Variants in HCN1 observed in about 807,000 individuals in gnomAD.
The protein encoded by HCN1 is potassium/sodium hyperpolarization-activated cyclic nucleotide-gated channel 1.
A neutral mutation model predicts 78.9 loss-of-function variants in HCN1; 13 were observed. The observed-to-expected ratio is 0.16, with a 90% CI of 0.11 to 0.26. The LOEUF (loss-of-function observed/expected upper bound fraction) is 0.26, where lower values mean the gene tolerates loss of function less well. HCN1 is among the 10% of genes least tolerant of loss of function. HCN1 has a pLI of 1.00. For synonymous variants in HCN1, 552 were observed against 455.5 expected (o/e 1.21, Z -2.70); for missense variants, 810 against 1,154.3 (o/e 0.70, Z 4.32).
chr5:45,376,518 A>G (rs1747681249), intron 4 of HCN1, among the ~76,000 whole-genome samples: 1 of 150,718 alleles, frequency 6.6e-6, no homozygotes, highest in African/African-American at 2.4e-5. Flanking sequence ...GCAAGATATA[A>G]ATGTTGCATA....
chr5:45,373,255 T>G (rs1173318281), intron 4 of HCN1, among the ~76,000 whole-genome samples: 11 of 119,764 alleles, frequency 9.2e-5, no homozygotes, highest in African/African-American at 3.7e-4. Flanking sequence ...ATATATATTT[T>G]ATATTATATA....
At chr5:45,595,238 G>T (rs567017697) in intron 2 of HCN1, among the ~76,000 whole-genome samples, 1 of 152,202 alleles carries the variant, frequency 6.6e-6, no homozygotes, top group Non-Finnish European at 1.5e-5. Flanking sequence ...AATCCTCAGG[G>T]CTGTGTTTCC....
intron 3 of HCN1, among the ~76,000 whole-genome samples, chr5:45,433,585 T>C (rs1342635823): frequency 6.6e-6 from 1 of 152,134 alleles, no homozygotes; most frequent in Non-Finnish European, 1.5e-5. Context: ...TCAAAGTTAG[T>C]ATTGATATAT....
Position 45,653,795 on chromosome 5 carries a change from G to T in HCN1, c.426-8187C>A, listed in dbSNP as rs554544399. On this transcript the variant is annotated intron_variant, in intron 1 of 7. Coordinates refer to ENST00000303230, the MANE Select transcript of HCN1 (RefSeq NM_021072.4). The stretch of plus-strand genomic sequence containing the variant: ...TGGGTGGGGGGAGAGGGGACGGATA[G>T]CATTGGGAGATATATCTAATGCTAG... Among the ~76,000 whole-genome samples the T allele has an allele frequency of 1.6e-3, 242 of 152,158 alleles. 1 individual carries two copies. The highest frequency in any genetic ancestry group is 5.4e-3 in the African/African-American group (226 of 41,520).
intron 2 of HCN1, among the ~76,000 whole-genome samples, chr5:45,481,099 A>G (rs932025507): frequency 2.6e-4 from 40 of 152,350 alleles, no homozygotes; most frequent in African/African-American, 9.4e-4. Flanking sequence ...AGTAAAAGCT[A>G]CATGAAGCCT....
At chr5:45,374,145 T>G (rs1403946967) in intron 4 of HCN1, among the ~76,000 whole-genome samples, 1 of 113,596 alleles carries the variant, frequency 8.8e-6, no homozygotes, top group South Asian at 2.3e-4. Context: ...ATATACATAT[T>G]ATATATAATA....
intron 2 of HCN1, among the ~76,000 whole-genome samples, chr5:45,621,279 C>G (rs1468551400): frequency 6.6e-6 from 1 of 151,786 alleles, no homozygotes; most frequent in Non-Finnish European, 1.5e-5. Flanking sequence ...CTTCCAATTT[C>G]TGAAAATTCT....
intron 4 of HCN1, among the ~76,000 whole-genome samples, chr5:45,389,260 A>C (rs964228704): frequency 6.6e-6 from 1 of 151,988 alleles, no homozygotes; most frequent in African/African-American, 2.4e-5. Flanking sequence ...TTTCTCATGA[A>C]GTTCACTTTC....
chr5:45,633,646 G>C (rs1580009309), intron 2 of HCN1, among the ~76,000 whole-genome samples: 1 of 151,932 alleles, frequency 6.6e-6, no homozygotes, highest in South Asian at 2.1e-4. Flanking sequence ...ATATCAGATA[G>C]CACAGCTCAG....
chr5:45,689,825 C>T (rs942063183), intron 1 of HCN1, among the ~76,000 whole-genome samples: 1 of 152,088 alleles, frequency 6.6e-6, no homozygotes, highest in Non-Finnish European at 1.5e-5. Flanking sequence ...TTTTAAAGAT[C>T]ACTCTTGTCA....
At chr5:45,678,097 T>A (rs555319164) in intron 1 of HCN1, among the ~76,000 whole-genome samples, 37 of 151,882 alleles carry the variant, frequency 2.4e-4, no homozygotes, top group African/African-American at 8.9e-4. Flanking sequence ...TCTTTCTAAT[T>A]CTGTTTGGGG....
intron 2 of HCN1, among the ~76,000 whole-genome samples, chr5:45,494,345 T>G (rs1362682757): frequency 3.9e-5 from 6 of 152,250 alleles, no homozygotes; most frequent in African/African-American, 1.4e-4. Flanking sequence ...ATTTCTCTGA[T>G]GGCCAGTGAT....
chr5:45,338,312 G>A (rs1561112697), intron 5 of HCN1, among the ~76,000 whole-genome samples: 1 of 151,990 alleles, frequency 6.6e-6, no homozygotes, highest in Non-Finnish European at 1.5e-5. Flanking sequence ...TTAAATCACT[G>A]CTCTTAACTA....
At chr5:45,291,212 T>C (rs1745365915) in intron 6 of HCN1, among the ~76,000 whole-genome samples, 8 of 152,074 alleles carry the variant, frequency 5.3e-5, no homozygotes, top group Admixed American at 3.9e-4. Flanking sequence ...CCAATAACTT[T>C]TCTCTCTCAT....
intron 6 of HCN1, among the ~76,000 whole-genome samples, chr5:45,291,466 CAGG>C (rs1290392282): frequency 1.3e-5 from 2 of 152,068 alleles, no homozygotes; most frequent in Admixed American, 1.3e-4. Flanking sequence ...GTTTTCACTT[CAGG>C]AGATTTGCAC....
At chr5:45,666,922 G>A (rs1393281535) in intron 1 of HCN1, among the ~76,000 whole-genome samples, 1 of 151,906 alleles carries the variant, frequency 6.6e-6, no homozygotes, top group South Asian at 2.1e-4. Flanking sequence ...AAAAATCAGG[G>A]GGGTGGGAAT....
intron 1 of HCN1, among the ~76,000 whole-genome samples, chr5:45,687,410 AT>A (rs1310409944): frequency 6.6e-6 from 1 of 152,000 alleles, no homozygotes; most frequent in Non-Finnish European, 1.5e-5. Context: ...TAAATTAGTT[AT>A]TGGTTTTGCT....
At chr5:45,477,833 T>C (rs1423012069) in intron 2 of HCN1, among the ~76,000 whole-genome samples, 1 of 152,042 alleles carries the variant, frequency 6.6e-6, no homozygotes, top group Non-Finnish European at 1.5e-5. Flanking sequence ...AAAACAAAAT[T>C]TTAAAACAAG....
At chr5:45,594,468 C>A (rs559064291) in intron 2 of HCN1, among the ~76,000 whole-genome samples, 1 of 152,256 alleles carries the variant, frequency 6.6e-6, no homozygotes, top group South Asian at 2.1e-4. Context: ...TGTTACCACA[C>A]TTTTCTGGAT....
Sources: gnomAD v4.1 joint callset for allele counts (sites outside exome capture counted in the v4.1 genomes callset) on GRCh38, gnomAD v4.1.1 for gene constraint, MANE v1.5 for transcripts, NCBI Gene and HGNC (gene_info 2026-07-23, HGNC 2026-07-21) for gene names.